ABHD17C: variants seen among roughly 807,000 people sequenced by gnomAD.
ABHD17C encodes abhydrolase domain containing 17C, depalmitoylase.
ABHD17C carries 11 observed loss-of-function variants against 27.9 expected under a neutral mutation model. That is an observed-to-expected ratio of 0.39 (90% CI 0.25 to 0.65). The LOEUF (loss-of-function observed/expected upper bound fraction) is 0.65, where lower values mean the gene tolerates loss of function less well. Among genes scored for constraint, ABHD17C ranks in the 30% least tolerant of loss-of-function variants. The pLI, the probability that ABHD17C is intolerant of heterozygous loss-of-function variation, is 0.45. For missense variants in ABHD17C, 280 were observed against 470.2 expected, an observed-to-expected ratio of 0.60 and a Z score of 3.74; for synonymous variants, 233 against 209.1, an observed-to-expected ratio of 1.11 and a Z score of -0.98.
chr15:80,731,457 T>A (rs1166302490), intron 1 of ABHD17C, among the ~76,000 whole-genome samples: 1 of 152,146 alleles, frequency 6.6e-6, no homozygotes, highest in East Asian at 1.9e-4. Context: ...AAGGTCTTCG[T>A]GACAGGGAAG....
intron 1 of ABHD17C, among the ~76,000 whole-genome samples, chr15:80,746,294 A>C (rs1232232737): frequency 6.8e-6 from 1 of 146,788 alleles, no homozygotes; most frequent in Non-Finnish European, 1.5e-5. Flanking sequence ...CAGTTGTCTT[A>C]TTGATTTGTA....
chr15:80,699,325 TG>T (rs1894539725), intron 1 of ABHD17C, among the ~76,000 whole-genome samples: 1 of 152,044 alleles, frequency 6.6e-6, no homozygotes, highest in Admixed American at 6.6e-5. Flanking sequence ...CATAAATAAG[TG>T]GGGTAAAGTT....
At chr15:80,723,989 T>G (rs752163045) in intron 1 of ABHD17C, among the ~76,000 whole-genome samples, 2 of 152,002 alleles carry the variant, frequency 1.3e-5, no homozygotes, top group African/African-American at 4.8e-5. Flanking sequence ...GATCACTTGA[T>G]GTCAGGAGTT....
intron 1 of ABHD17C, among the ~76,000 whole-genome samples, chr15:80,713,652 AC>A (rs1325468433): frequency 6.6e-6 from 1 of 151,940 alleles, no homozygotes; most frequent in Admixed American, 6.6e-5. Flanking sequence ...TACTAAAAAT[AC>A]AAAAAATTAG....
chr15:80,699,264 T>C (rs1894538772), intron 1 of ABHD17C, among the ~76,000 whole-genome samples: 1 of 152,222 alleles, frequency 6.6e-6, no homozygotes, highest in African/African-American at 2.4e-5. Flanking sequence ...TGTCTTAAAA[T>C]AATAGGTAGT....
intron 1 of ABHD17C, among the ~76,000 whole-genome samples, chr15:80,700,969 A>G (rs917083356): frequency 1.7e-4 from 26 of 152,286 alleles, no homozygotes; most frequent in African/African-American, 5.8e-4. Context: ...CTTGTGCCAG[A>G]CCGTGTACTA....
rs990352771 is a variant in ABHD17C at position 80,724,685 on chromosome 15, C to CA, written c.591-24826dup. On this transcript the variant is annotated intron_variant, in intron 1 of 2. Transcript: ENST00000258884. ...TGTCTGTACTGGGTAGAGTTGCCCCCAAGCTCTGTGGGTCTGGGAGGGTGA... is the reference window on the plus strand; with the variant it reads ...TGTCTGTACTGGGTAGAGTTGCCCCCAAAGCTCTGTGGGTCTGGGAGGGTGA... 3.3e-5 allele frequency among the ~76,000 whole-genome samples: 5 copies of CA among 152,286 alleles called. No individual in the cohort carries two copies. In the East Asian group the frequency reaches 5.8e-4, roughly 18 times the overall value.
At chr15:80,725,936 A>G (rs1472326545) in intron 1 of ABHD17C, among the ~76,000 whole-genome samples, 1 of 152,208 alleles carries the variant, frequency 6.6e-6, no homozygotes, top group Non-Finnish European at 1.5e-5. Flanking sequence ...ACACAGAAAT[A>G]TAGAGGTGTG....
chr15:80,701,883 G>A (rs1894578334), intron 1 of ABHD17C, among the ~76,000 whole-genome samples: 1 of 152,072 alleles, frequency 6.6e-6, no homozygotes, highest in Non-Finnish European at 1.5e-5. Context: ...CTTCTCTTTG[G>A]TCCACCTTCA....
intron 1 of ABHD17C, among the ~76,000 whole-genome samples, chr15:80,713,549 C>G (rs1894758397): frequency 6.6e-6 from 1 of 151,714 alleles, no homozygotes; most frequent in African/African-American, 2.4e-5. Flanking sequence ...GTGGCTCACG[C>G]CTGTAATCCC....
chr15:80,707,995 C>A (rs1246651825), intron 1 of ABHD17C, among the ~76,000 whole-genome samples: 4 of 152,218 alleles, frequency 2.6e-5, no homozygotes, highest in African/African-American at 9.6e-5. Context: ...TGCAAGGGTT[C>A]CAGCTGCCTC....
chr15:80,733,020 T>C (rs1895077849), intron 1 of ABHD17C, among the ~76,000 whole-genome samples: 1 of 152,188 alleles, frequency 6.6e-6, no homozygotes, highest in Non-Finnish European at 1.5e-5. Flanking sequence ...TCAGTTTCAC[T>C]CACTGCCTAT....
intron 1 of ABHD17C, among the ~76,000 whole-genome samples, chr15:80,738,822 G>T (rs1157466319): frequency 6.6e-6 from 1 of 151,968 alleles, no homozygotes; most frequent in Non-Finnish European, 1.5e-5. Flanking sequence ...ATGAAATACT[G>T]GGGGCAAATG....
rs528187515 is a variant in ABHD17C, at chr15:80,754,241, G to C, written c.861G>C (p.Met287Ile). 3.1e-6 allele frequency: 5 copies of C among 1,613,950 alleles called. No individual in the cohort carries two copies. In the East Asian group the frequency reaches 6.7e-5, roughly 22 times the overall value. Residue 287 changes from methionine to isoleucine, a missense_variant, in exon 3 of 3, where the codon ATG (methionine) becomes ATC (isoleucine). By Grantham distance (10) the Met-to-Ile change is conservative (BLOSUM62 1). Transcript: ENST00000258884. Reference protein sequence around the residue: ...EVIDFSHGLAMYERCPRAVEP... With the variant: ...EVIDFSHGLAIYERCPRAVEP... Reference sequence around the variant, plus strand: ...TCGATTTCTCCCATGGCCTAGCGATGTACGAGCGCTGTCCCCGAGCCGTGG... The same window carrying C: ...TCGATTTCTCCCATGGCCTAGCGATCTACGAGCGCTGTCCCCGAGCCGTGG...
At chr15:80,704,497 A>G (rs1470838304) in intron 1 of ABHD17C, 1 of 151,618 alleles carries the variant, frequency 6.6e-6, no homozygotes, top group Non-Finnish European at 1.5e-5. Flanking sequence ...TATGTAACTA[A>G]CCTGCACATT....
At position 80,742,940 on chromosome 15, in the gene ABHD17C, G is replaced by A. The variant is rs149887600; in HGVS notation, c.591-6573G>A. On this transcript the variant is annotated intron_variant, in intron 1 of 2. Transcript: ENST00000258884. ...GTTGGGTTTGGTACTTCTGATAGCT[G>A]TTTGCAAGACTTCATAGGGGCAGAA... Among the ~76,000 whole-genome samples the A allele has an allele frequency of 3.5e-3, 442 of 125,290 alleles. 2 individuals carry two copies. Among genetic ancestry groups the A allele is most frequent in the African/African-American group, 0.012 (418 of 33,698 alleles). The allele number at this position is 125,290 out of a possible 152,430, so 82.2% of individuals were successfully genotyped here.
At chr15:80,740,407 G>T (rs1555423502) in intron 1 of ABHD17C, among the ~76,000 whole-genome samples, 1 of 152,114 alleles carries the variant, frequency 6.6e-6, no homozygotes, top group Non-Finnish European at 1.5e-5. Flanking sequence ...CGTGGTTTCA[G>T]TAGTAGGAGA....
intron 1 of ABHD17C, among the ~76,000 whole-genome samples, chr15:80,700,239 T>C (rs1190349176): frequency 6.6e-6 from 1 of 152,174 alleles, no homozygotes; most frequent in Non-Finnish European, 1.5e-5. Flanking sequence ...ATCAGACTGA[T>C]TTGAAACTAT....
chr15:80,713,550 C>T (rs913769276), intron 1 of ABHD17C, among the ~76,000 whole-genome samples: 7 of 151,816 alleles, frequency 4.6e-5, no homozygotes, highest in Non-Finnish European at 1.0e-4. Context: ...TGGCTCACGC[C>T]TGTAATCCCA....
Sources: allele counts gnomAD v4.1 joint callset (sites outside exome capture counted in the v4.1 genomes callset), GRCh38; gene constraint gnomAD v4.1.1; transcripts MANE v1.5; gene names NCBI Gene and HGNC (gene_info 2026-07-23, HGNC 2026-07-21).